TCERG1L: variants seen among roughly 807,000 people sequenced by gnomAD.
TCERG1L encodes transcription elongation regulator 1 like.
Under a neutral mutation model 56.3 loss-of-function variants are expected in TCERG1L, and 37 were observed. That is an observed-to-expected ratio of 0.66 (90% CI 0.51 to 0.87). The LOEUF (loss-of-function observed/expected upper bound fraction) is 0.87. Ranked by LOEUF, TCERG1L falls within the 40% of genes least tolerant of loss-of-function variation. The probability of loss-of-function intolerance (pLI) is 0.00; values close to 1 mark genes in which losing one functional copy is unlikely to be tolerated. For missense variants in TCERG1L, 799 were observed against 774.2 expected (o/e 1.03, Z -0.38); for synonymous variants, 324 against 326.3 (o/e 0.99, Z 0.08).
At chr10:131,256,045 A>T (rs1488369459) in intron 4 of TCERG1L, among the ~76,000 whole-genome samples, 1 of 152,204 alleles carries the variant, frequency 6.6e-6, no homozygotes, top group Non-Finnish European at 1.5e-5. Flanking sequence ...CACACGCCAG[A>T]TGAGTTTCAG....
At chr10:131,124,886 C>T (rs1213530090) in intron 8 of TCERG1L, among the ~76,000 whole-genome samples, 1 of 152,188 alleles carries the variant, frequency 6.6e-6, no homozygotes, top group African/African-American at 2.4e-5. Flanking sequence ...TCCATTTCTT[C>T]CTCTAGAAAG....
intron 4 of TCERG1L, among the ~76,000 whole-genome samples, chr10:131,180,467 A>G (rs1361298708): frequency 1.3e-5 from 2 of 152,226 alleles, no homozygotes; most frequent in East Asian, 1.9e-4. Flanking sequence ...AAATGAGGAC[A>G]TTGTATTTTT....
intron 4 of TCERG1L, among the ~76,000 whole-genome samples, chr10:131,207,271 G>A (rs1252853756): frequency 6.6e-6 from 1 of 151,958 alleles, no homozygotes; most frequent in Admixed American, 6.6e-5. Flanking sequence ...AGACCCCAGA[G>A]GTCACAGGAG....
chr10:131,264,788 C>G (rs1846269495), intron 3 of TCERG1L, among the ~76,000 whole-genome samples: 1 of 152,228 alleles, frequency 6.6e-6, no homozygotes, highest in Non-Finnish European at 1.5e-5. Flanking sequence ...CCTCCACGCT[C>G]TGACTCAGTT....
At chr10:131,139,779 T>C (rs1317923201) in intron 7 of TCERG1L, among the ~76,000 whole-genome samples, 1 of 138,250 alleles carries the variant, frequency 7.2e-6, no homozygotes, top group Non-Finnish European at 1.7e-5. Flanking sequence ...TATATGTGTG[T>C]CTGTGTGTGC....
At chr10:131,223,820 C>T (rs949770920) in intron 4 of TCERG1L, among the ~76,000 whole-genome samples, 9 of 152,096 alleles carry the variant, frequency 5.9e-5, no homozygotes, top group Admixed American at 5.9e-4. Context: ...GCCCCCCACG[C>T]ACCCACGAAC....
chr10:131,239,825 A>C (rs1845952241), intron 4 of TCERG1L, among the ~76,000 whole-genome samples: 1 of 151,904 alleles, frequency 6.6e-6, no homozygotes, highest in South Asian at 2.1e-4. Flanking sequence ...CAGAGCCAAG[A>C]CCCTCCCAGG....
intron 4 of TCERG1L, among the ~76,000 whole-genome samples, chr10:131,253,911 T>C (rs1846140344): frequency 6.6e-6 from 1 of 152,100 alleles, no homozygotes; most frequent in South Asian, 2.1e-4. Flanking sequence ...GGAGAGAAGA[T>C]AGGCCAGGAA....
At chr10:131,163,665 A>G (rs2996072) in intron 5 of TCERG1L, among the ~76,000 whole-genome samples, 151,691 of 152,214 alleles carry the variant, frequency 1, 75,589 homozygotes, top group Middle Eastern at 1. Flanking sequence ...GGGAGGAGGC[A>G]ACAAACCCAT....
chr10:131,121,419 G>A (rs1439357397), intron 8 of TCERG1L, among the ~76,000 whole-genome samples: 5 of 152,126 alleles, frequency 3.3e-5, no homozygotes, highest in Non-Finnish European at 2.9e-5. Flanking sequence ...TCGCAATACC[G>A]CAATTCTATG....
At chr10:131,116,198 C>T (rs573165080) in intron 9 of TCERG1L, among the ~76,000 whole-genome samples, 4 of 152,316 alleles carry the variant, frequency 2.6e-5, no homozygotes, top group South Asian at 4.2e-4. Context: ...CCCCCCGACC[C>T]CCAAGTCAAA....
rs536660357 is a variant in TCERG1L, at chr10:131,212,452, C to T, written c.857-45567G>A. 1.1e-4 allele frequency among the ~76,000 whole-genome samples: 16 copies of T among 152,276 alleles called. No homozygotes were observed. In the South Asian group the frequency reaches 3.3e-3, roughly 32 times the overall value. On this transcript the variant is annotated intron_variant, in intron 4 of 11. Coordinates refer to ENST00000368642, the MANE Select transcript of TCERG1L (RefSeq NM_174937.4). ...TGATGGGAAACTCCATTTATCCAGC[C>T]TAAATGCATTATTTGAAACTGTTCA...
chr10:131,220,069 C>A (rs1287595568), intron 4 of TCERG1L, among the ~76,000 whole-genome samples: 2 of 152,188 alleles, frequency 1.3e-5, no homozygotes, highest in Non-Finnish European at 2.9e-5. Flanking sequence ...ACATCACAGG[C>A]CCTGGACCCG....
intron 3 of TCERG1L, among the ~76,000 whole-genome samples, chr10:131,261,657 A>G (rs1208689204): frequency 6.6e-6 from 1 of 152,270 alleles, no homozygotes; most frequent in Non-Finnish European, 1.5e-5. Context: ...GACAAGTGCC[A>G]GGCATTTTCC....
Position 131,151,780 on chromosome 10 carries a change from C to G in TCERG1L, c.1035-5120G>C, listed in dbSNP as rs1012519671. On this transcript the variant is annotated intron_variant, in intron 6 of 11. Coordinates refer to ENST00000368642, the MANE Select transcript of TCERG1L (RefSeq NM_174937.4). ...GAGGTTTTCCATGAGGGCTCTGCAC[C>G]TGCAGCAAATTTCTGCCTGGACATC... Among the ~76,000 whole-genome samples the G allele has an allele frequency of 2.6e-5, 4 of 152,216 alleles. No homozygotes were observed. In the South Asian group the frequency reaches 8.3e-4, roughly 32 times the overall value.
chr10:131,111,395 A>C (rs540204979), intron 9 of TCERG1L, among the ~76,000 whole-genome samples: 1 of 142,978 alleles, frequency 7.0e-6, no homozygotes, highest in East Asian at 2.3e-4. Context: ...CTCAAACACA[A>C]ACCTGGTTAC....
chr10:131,125,392 G>A (rs1845555586), intron 8 of TCERG1L, among the ~76,000 whole-genome samples: 1 of 152,104 alleles, frequency 6.6e-6, no homozygotes, highest in Non-Finnish European at 1.5e-5. Context: ...AAGAGGGCTG[G>A]GAATTTATCA....
chr10:131,093,344 C>G (rs376838486), intron 11 of TCERG1L, 26 bp from the exon 12 acceptor site: 7 of 1,610,804 alleles, frequency 4.3e-6, no homozygotes, highest in Non-Finnish European at 5.1e-6. Flanking sequence ...TTTCCTGAGA[C>G]ACCTTCCAGA....
At chr10:131,164,298 T>A (rs1846008924) in intron 5 of TCERG1L, among the ~76,000 whole-genome samples, 1 of 152,126 alleles carries the variant, frequency 6.6e-6, no homozygotes, top group Non-Finnish European at 1.5e-5. Flanking sequence ...TGCTTGAGAT[T>A]TAAAAATATG....
Sources: gnomAD v4.1 joint callset for allele counts (sites outside exome capture counted in the v4.1 genomes callset) on GRCh38, gnomAD v4.1.1 for gene constraint, MANE v1.5 for transcripts, NCBI Gene and HGNC (gene_info 2026-07-23, HGNC 2026-07-21) for gene names.